The following BNC2 variants were observed in gnomAD, a reference collection of about 807,000 sequenced individuals.
BNC2 encodes basonuclin zinc finger protein 2, also known as zinc finger protein basonuclin-2.
In BNC2, 20 loss-of-function variants were observed where a neutral mutation model predicts 76.3. The ratio of observed to expected loss-of-function variants is 0.26; its 90% confidence interval spans 0.18 to 0.38. The LOEUF is 0.38. Ranked by LOEUF, BNC2 falls within the 10% of genes least tolerant of loss-of-function variation. The pLI is 1.00. For synonymous variants in BNC2, 582 were observed against 514.8 expected, an observed-to-expected ratio of 1.13 and a Z score of -1.77; for missense variants, 1,382 against 1,399.8, an observed-to-expected ratio of 0.99 and a Z score of 0.20.
At chr9:16,479,528 G>A (rs558933169) in intron 5 of BNC2, among the ~76,000 whole-genome samples, 1 of 152,224 alleles carries the variant, frequency 6.6e-6, no homozygotes, top group Non-Finnish European at 1.5e-5. Context: ...CAGAAAAGTC[G>A]AATGAATTGT....
rs901220736 is a variant in BNC2, at chr9:16,417,130, C to T, written c.*1859G>A. ...TTCCTTGTTTATCTCTTCTTTTCCC[C>T]TCCACTTAAAAAAAAAGGAAAAAAG... On this transcript the variant is annotated 3_prime_UTR_variant, in exon 7 of 7. Transcript: ENST00000380672. The T allele has an allele frequency of 3.3e-5, 5 of 151,098 alleles. No homozygotes were observed. Among genetic ancestry groups the T allele is most frequent in the African/African-American group, 7.4e-5 (3 of 40,620 alleles). The allele number at this position is 151,098 out of a possible 1,614,324, so 9.4% of individuals were successfully genotyped here.
At chr9:16,476,084 T>C (rs1821921920) in intron 5 of BNC2, 1 of 152,158 alleles carries the variant, frequency 6.6e-6, no homozygotes, top group African/African-American at 2.4e-5. Context: ...AGTTTTGCTT[T>C]ATCCACCATT....
intron 1 of BNC2, 58 bp from the exon 2 acceptor site, chr9:16,738,543 T>G: frequency 6.5e-7 from 1 of 1,529,918 alleles, no homozygotes; most frequent in Non-Finnish European, 8.7e-7. Flanking sequence ...CTTAAAAGCA[T>G]TGAGTACATC....
At chr9:16,524,897 G>C (rs190542060) in intron 5 of BNC2, among the ~76,000 whole-genome samples, 48 of 152,112 alleles carry the variant, frequency 3.2e-4, no homozygotes, top group Admixed American at 5.2e-4. Context: ...AACATAGTTT[G>C]ACCCTGTCTC....
At chr9:16,596,488 T>C (rs1820083168) in intron 3 of BNC2, among the ~76,000 whole-genome samples, 1 of 152,162 alleles carries the variant, frequency 6.6e-6, no homozygotes, top group African/African-American at 2.4e-5. Flanking sequence ...AAATGAAAAT[T>C]CGTATTTTAT....
rs1820105145 is a variant in BNC2, at chr9:16,596,960, G to C, written c.331-13875C>G. 1.3e-5 allele frequency among the ~76,000 whole-genome samples: 2 copies of C among 152,090 alleles called. 1 individual carries two copies. Among genetic ancestry groups the C allele is most frequent in the South Asian group, 4.1e-4 (2 of 4,834 alleles). On this transcript the variant is annotated intron_variant, in intron 3 of 6. Coordinates refer to ENST00000380672, the MANE Select transcript of BNC2 (RefSeq NM_017637.6). ...AACAAGAAAGAATTCCTTTACTCGGGAAGAAAATGTGATCTATCACCTCTC... is the reference window on the plus strand; with the variant it reads ...AACAAGAAAGAATTCCTTTACTCGGCAAGAAAATGTGATCTATCACCTCTC...
chr9:16,809,497 C>G (rs1817993912), intron 1 of BNC2, among the ~76,000 whole-genome samples: 1 of 152,132 alleles, frequency 6.6e-6, no homozygotes, highest in Non-Finnish European at 1.5e-5. Context: ...ATATGTGATA[C>G]TTTTATTTCC....
chr9:16,801,710 T>C (rs1056352329), intron 1 of BNC2, among the ~76,000 whole-genome samples: 5 of 131,584 alleles, frequency 3.8e-5, no homozygotes, highest in African/African-American at 1.4e-4. Flanking sequence ...AAATATTTTA[T>C]TCTAAGACAC....
At chr9:16,651,876 A>T (rs954057451) in intron 3 of BNC2, among the ~76,000 whole-genome samples, 8 of 152,232 alleles carry the variant, frequency 5.3e-5, no homozygotes, top group African/African-American at 1.7e-4. Flanking sequence ...AGAGAGAAAG[A>T]CGATTAGCAT....
intron 1 of BNC2, among the ~76,000 whole-genome samples, chr9:16,808,408 G>A (rs1817963117): frequency 1.3e-5 from 2 of 150,436 alleles, no homozygotes; most frequent in Admixed American, 1.3e-4. Flanking sequence ...CAGCTGTCAG[G>A]CCCTGGAATC....
chr9:16,790,095 G>A (rs1817463382), intron 1 of BNC2, among the ~76,000 whole-genome samples: 1 of 152,142 alleles, frequency 6.6e-6, no homozygotes, highest in Non-Finnish European at 1.5e-5. Flanking sequence ...CGCCTCCCAG[G>A]TTTATGCAAT....
chr9:16,433,323 T>A, intron 6 of BNC2, among the ~76,000 whole-genome samples: 1 of 152,222 alleles, frequency 6.6e-6, no homozygotes, highest in East Asian at 1.9e-4. Flanking sequence ...TTTTCATTTA[T>A]CTTATGTGAC....
At chr9:16,592,213 G>T (rs536096481) in intron 3 of BNC2, among the ~76,000 whole-genome samples, 1 of 152,044 alleles carries the variant, frequency 6.6e-6, no homozygotes, top group Admixed American at 6.6e-5. Flanking sequence ...AGATTCACTG[G>T]GAAAAGTTGA....
chr9:16,498,158 CAT>C lies in BNC2; in HGVS notation c.669+54370_669+54371del, dbSNP rs747870999. 1.2e-4 allele frequency among the ~76,000 whole-genome samples: 17 copies of C among 139,202 alleles called. 1 individual carries two copies. The highest frequency in any genetic ancestry group is 6.1e-4 in the East Asian group (3 of 4,944). 91.3% of individuals were successfully genotyped at this position (139,202 alleles called of 152,430 possible). ...ATATATTCTATCATATATATTCCAT[CAT>C]ATATATATTCTATCATATATATATT... On this transcript the variant is annotated intron_variant, in intron 5 of 6. Coordinates refer to ENST00000380672, the MANE Select transcript of BNC2 (RefSeq NM_017637.6).
intron 3 of BNC2, among the ~76,000 whole-genome samples, chr9:16,677,411 A>G (rs1422191831): frequency 1.3e-5 from 2 of 152,096 alleles, no homozygotes; most frequent in Non-Finnish European, 2.9e-5. Flanking sequence ...CATCTCTACT[A>G]AACATACAAA....
intron 3 of BNC2, among the ~76,000 whole-genome samples, chr9:16,636,309 CT>C (rs112608609): frequency 1.0e-3 from 150 of 148,282 alleles, no homozygotes; most frequent in Non-Finnish European, 1.7e-3. Context: ...TGAAGACTTT[CT>C]TTTTTTTTTG....
intron 3 of BNC2, among the ~76,000 whole-genome samples, chr9:16,674,521 G>T (rs1822578570): frequency 6.6e-6 from 1 of 151,948 alleles, no homozygotes; most frequent in Non-Finnish European, 1.5e-5. Flanking sequence ...GTGTAGGGAA[G>T]AAGATGTGTG....
chr9:16,536,230 T>C (rs1374154496), intron 5 of BNC2, among the ~76,000 whole-genome samples: 3 of 152,176 alleles, frequency 2.0e-5, no homozygotes, highest in African/African-American at 7.2e-5. Context: ...CTTGTATACC[T>C]TTCTATACCT....
At chr9:16,696,362 C>T (rs1587326052) in intron 3 of BNC2, among the ~76,000 whole-genome samples, 1 of 152,174 alleles carries the variant, frequency 6.6e-6, no homozygotes, top group South Asian at 2.1e-4. Flanking sequence ...CTCTTGCATA[C>T]TGATTTGGAC....
Sources: gnomAD v4.1 joint callset for allele counts (sites outside exome capture counted in the v4.1 genomes callset) on GRCh38, gnomAD v4.1.1 for gene constraint, MANE v1.5 for transcripts, NCBI Gene and HGNC (gene_info 2026-07-23, HGNC 2026-07-21) for gene names.